TEX36: variants seen among roughly 807,000 people sequenced by gnomAD.
The protein encoded by TEX36 is testis expressed 36.
A neutral mutation model predicts 13.6 loss-of-function variants in TEX36; 12 were observed. The observed-to-expected ratio is 0.88, with a 90% CI of 0.56 to 1.43. The LOEUF (loss-of-function observed/expected upper bound fraction) is 1.43, where lower values mean the gene tolerates loss of function less well. TEX36 is among the 40% of genes most tolerant of loss of function. The pLI is 0.00. For missense variants in TEX36, 224 were observed against 228.3 expected, an observed-to-expected ratio of 0.98 and a Z score of 0.12; for synonymous variants, 93 against 83.0, an observed-to-expected ratio of 1.12 and a Z score of -0.65.
chr10:125,676,293 A>G (rs1029410130), intron 1 of TEX36, among the ~76,000 whole-genome samples: 2 of 152,200 alleles, frequency 1.3e-5, no homozygotes, highest in African/African-American at 4.8e-5. Flanking sequence ...TGGGTGCTCC[A>G]GTGTTGGATA....
At chr10:125,677,973 C>T (rs1412843207) in intron 1 of TEX36, among the ~76,000 whole-genome samples, 2 of 152,242 alleles carry the variant, frequency 1.3e-5, no homozygotes, top group African/African-American at 4.8e-5. Flanking sequence ...TGAGCCACTG[C>T]ACCCAGCCCC....
intron 3 of TEX36, among the ~76,000 whole-genome samples, chr10:125,615,065 A>T (rs1846339307): frequency 6.6e-6 from 1 of 152,186 alleles, no homozygotes. Context: ...GAGTTCACTC[A>T]TGATTTGGCT....
At chr10:125,678,961 C>T (rs978987216) in intron 1 of TEX36, among the ~76,000 whole-genome samples, 2 of 152,116 alleles carry the variant, frequency 1.3e-5, no homozygotes, top group African/African-American at 4.8e-5. Flanking sequence ...GAGGTGGTAG[C>T]AGCTGTGCTG....
chr10:125,644,476 G>A (rs1846737127), intron 3 of TEX36, among the ~76,000 whole-genome samples: 1 of 152,034 alleles, frequency 6.6e-6, no homozygotes, highest in African/African-American at 2.4e-5. Flanking sequence ...TAATTCCCAA[G>A]TGTGCATATT....
chr10:125,652,951 C>G (rs1340790380), downstream of TEX36, among the ~76,000 whole-genome samples: 4 of 152,150 alleles, frequency 2.6e-5, no homozygotes, highest in Non-Finnish European at 4.4e-5. Context: ...CATCTCACAC[C>G]AGTTAAAATG....
chr10:125,592,912 G>A (rs1846038983), intron 3 of TEX36, among the ~76,000 whole-genome samples: 1 of 152,178 alleles, frequency 6.6e-6, no homozygotes, highest in Admixed American at 6.5e-5. Flanking sequence ...ATGGAGGAAG[G>A]GGCACAGAGC....
intron 3 of TEX36, among the ~76,000 whole-genome samples, chr10:125,598,203 G>A (rs1172347439): frequency 1.3e-5 from 2 of 152,194 alleles, no homozygotes; most frequent in Non-Finnish European, 2.9e-5. Flanking sequence ...ACGTTCTCTG[G>A]CCTGTCTTTG....
chr10:125,615,237 A>G (rs924284479), intron 3 of TEX36, among the ~76,000 whole-genome samples: 1 of 151,952 alleles, frequency 6.6e-6, no homozygotes, highest in Admixed American at 6.6e-5. Context: ...AACAGGGACA[A>G]TTTGACTTCC....
chr10:125,594,661 T>C (rs1359264848), intron 3 of TEX36, among the ~76,000 whole-genome samples: 1 of 152,220 alleles, frequency 6.6e-6, no homozygotes, highest in African/African-American at 2.4e-5. Context: ...ATTTTTGAAA[T>C]ATTAAAGAGT....
intron 3 of TEX36, among the ~76,000 whole-genome samples, chr10:125,583,342 C>A (rs1409309389): frequency 2.6e-5 from 4 of 152,280 alleles, no homozygotes; most frequent in East Asian, 1.9e-4. Flanking sequence ...AAGGTGCCTG[C>A]AAGTTCAATG....
downstream of TEX36, among the ~76,000 whole-genome samples, chr10:125,618,584 T>G (rs918249568): frequency 6.6e-6 from 1 of 152,030 alleles, no homozygotes; most frequent in African/African-American, 2.4e-5. Context: ...GGGGTGCCTC[T>G]CAGTTAGGCT....
rs548043550 is a variant in TEX36, at chr10:125,636,754, G to A, written c.265-15109C>T. On this transcript the variant is annotated intron_variant, in intron 3 of 3. Transcript: ENST00000526819. The stretch of plus-strand genomic sequence containing the variant: ...TCTCTCTCACTCTCAGTTCCCTGCC[G>A]CTGTACTTGTGTGTGGGTGAGCTAA... 2.2e-4 allele frequency among the ~76,000 whole-genome samples: 33 copies of A among 152,216 alleles called. No homozygotes were observed. The South Asian group carries it at 2.3e-3, about 11-fold the overall frequency.
At chr10:125,587,334 G>C (rs1433279) in intron 3 of TEX36, among the ~76,000 whole-genome samples, 7 of 151,874 alleles carry the variant, frequency 4.6e-5, no homozygotes, top group African/African-American at 1.5e-4. Context: ...GGAAAAAAGC[G>C]TTTTATGTTT....
At chr10:125,581,236 G>A (rs999473853) in intron 3 of TEX36, among the ~76,000 whole-genome samples, 2 of 152,106 alleles carry the variant, frequency 1.3e-5, no homozygotes, top group South Asian at 2.1e-4. Context: ...ACCCTCAGTC[G>A]GGGACGGGAG....
Position 125,636,388 on chromosome 10 carries a change from A to G in TEX36, c.265-14743T>C, listed in dbSNP as rs866648156. Among the ~76,000 whole-genome samples, 440 of 140,500 alleles carry G rather than the reference A, an allele frequency of 3.1e-3. 6 individuals are homozygous for G. Among genetic ancestry groups the G allele is most frequent in the African/African-American group, 0.013 (422 of 32,770 alleles). The allele number at this position is 140,500 out of a possible 152,430, so 92.2% of individuals were successfully genotyped here. On this transcript the variant is annotated intron_variant, in intron 3 of 3. Transcript: ENST00000526819. ...ACCCGGCTAATTTTTTTTTTTTTAT[A>G]TATTTTTAGTAGAGGCGGGGTTTCA...
chr10:125,616,900 T>C (rs11244581), downstream of TEX36, among the ~76,000 whole-genome samples: 5,708 of 151,464 alleles, frequency 0.038, 210 homozygotes, highest in South Asian at 0.16. Context: ...AAGTCTCCCA[T>C]TATTAATGTG....
At chr10:125,665,826 G>A (rs756962959) in intron 1 of TEX36, among the ~76,000 whole-genome samples, 31 of 152,068 alleles carry the variant, frequency 2.0e-4, no homozygotes, top group East Asian at 7.7e-4. Flanking sequence ...GTATTCCGAC[G>A]CAGGAGCATG....
intron 3 of TEX36, among the ~76,000 whole-genome samples, chr10:125,633,390 C>G (rs542024993): frequency 1.3e-5 from 2 of 152,192 alleles, no homozygotes; most frequent in Non-Finnish European, 2.9e-5. Flanking sequence ...ACATTGGACA[C>G]CTCCTGTAAT....
intron 1 of TEX36, chr10:125,667,398 G>A: frequency 3.0e-6 from 2 of 658,046 alleles, no homozygotes; most frequent in Non-Finnish European, 5.8e-6. Context: ...TCCGCAATGG[G>A]CACAATGCCA....
Sources: gnomAD v4.1 joint callset for allele counts (sites outside exome capture counted in the v4.1 genomes callset) on GRCh38, gnomAD v4.1.1 for gene constraint, MANE v1.5 for transcripts, NCBI Gene and HGNC (gene_info 2026-07-23, HGNC 2026-07-21) for gene names.